Variants in RNF6 observed in about 807,000 individuals in gnomAD.
The protein encoded by RNF6 is ring finger protein 6.
In RNF6, 21 loss-of-function variants were observed where a neutral mutation model predicts 50.1. That is an observed-to-expected ratio of 0.42 (90% CI 0.30 to 0.60). RNF6 has a LOEUF of 0.60. Ranked by LOEUF, RNF6 falls within the 20% of genes least tolerant of loss-of-function variation. The pLI is 0.20. For synonymous variants in RNF6, 255 were observed against 291.8 expected (o/e 0.87, Z 1.29); for missense variants, 698 against 838.2 (o/e 0.83, Z 2.07).
At chr13:26,199,044 A>C (rs1304964696) in intron 5 of RNF6, among the ~76,000 whole-genome samples, 3 of 151,868 alleles carry the variant, frequency 2.0e-5, no homozygotes, top group Non-Finnish European at 4.4e-5. Flanking sequence ...TTAAGATATC[A>C]GTTCACCAAA....
At chr13:26,171,804 T>G (rs1872707313) in intron 5 of RNF6, among the ~76,000 whole-genome samples, 1 of 152,114 alleles carries the variant, frequency 6.6e-6, no homozygotes, top group African/African-American at 2.4e-5. Flanking sequence ...AAAGGTGAAA[T>G]TTTATATGTT....
At chr13:26,153,160 G>GA (rs71080233) in intron 5 of RNF6, among the ~76,000 whole-genome samples, 103,135 of 145,982 alleles carry the variant, frequency 0.71, 36,660 homozygotes, top group South Asian at 0.78. Context: ...CTCAAGAAAA[G>GA]AAAAAAAAAA....
At chr13:26,205,290 AG>A (rs34015717) in intron 5 of RNF6, among the ~76,000 whole-genome samples, 30,034 of 152,174 alleles carry the variant, frequency 0.2, 3,444 homozygotes, top group East Asian at 0.4. Context: ...AAAAAATACA[AG>A]ACTATTTTGC....
chr13:26,132,408 A>C (rs1870436929), exon 6 of RNF6: 1 of 459,308 alleles, frequency 2.2e-6, no homozygotes, highest in Non-Finnish European at 4.4e-6. Context: ...GATAGACTTA[A>C]CAACTGGTTT....
At chr13:26,218,689 A>G (rs1870155164) in intron 3 of RNF6, 83 bp from the exon 4 acceptor site, 2 of 1,006,122 alleles carry the variant, frequency 2.0e-6, no homozygotes, top group Admixed American at 3.7e-5. Flanking sequence ...AATCTTTAGT[A>G]ACCTATAGAA....
At chr13:26,208,915 TAA>T (rs1299911865), downstream of RNF6, among the ~76,000 whole-genome samples, 3 of 152,210 alleles carry the variant, frequency 2.0e-5, no homozygotes, top group African/African-American at 4.8e-5. Context: ...TCTATGTGGC[TAA>T]GAGTTAGAGT....
chr13:26,196,477 C>T lies in RNF6; in HGVS notation n.768+18997G>A, dbSNP rs565448729. 2.6e-5 allele frequency among the ~76,000 whole-genome samples: 4 copies of T among 151,992 alleles called. No homozygotes were observed. In the South Asian group the frequency reaches 6.2e-4, roughly 24 times the overall value. The stretch of plus-strand genomic sequence containing the variant: ...ACCAGCCTGGCCAACATGGTGAAAC[C>T]GAGTCTCTACTAAAAATACAAAAAA... On this transcript the variant is annotated intron_variant and non_coding_transcript_variant, in intron 5 of 5. Transcript: ENST00000468480.
chr13:26,187,335 G>A (rs993231476), intron 5 of RNF6, among the ~76,000 whole-genome samples: 6 of 152,340 alleles, frequency 3.9e-5, no homozygotes, highest in Admixed American at 2.0e-4. Flanking sequence ...GGTCAGGCAA[G>A]GCTGATGGCC....
chr13:26,186,384 C>T (rs1374538539), intron 5 of RNF6, among the ~76,000 whole-genome samples: 1 of 152,256 alleles, frequency 6.6e-6, no homozygotes, highest in Non-Finnish European at 1.5e-5. Flanking sequence ...AAGGCTGTCC[C>T]GCGGCAGGAA....
intron 5 of RNF6, among the ~76,000 whole-genome samples, chr13:26,187,012 C>T (rs1420866443): frequency 4.6e-5 from 7 of 152,080 alleles, no homozygotes; most frequent in African/African-American, 1.4e-4. Context: ...CTCCTGACTT[C>T]GTGATCCACC....
At chr13:26,158,419 T>C (rs1311056184) in intron 5 of RNF6, among the ~76,000 whole-genome samples, 1 of 152,190 alleles carries the variant, frequency 6.6e-6, no homozygotes, top group Non-Finnish European at 1.5e-5. Context: ...TTCCAGGAAT[T>C]TACCATAACA....
intron 5 of RNF6, among the ~76,000 whole-genome samples, chr13:26,171,659 C>A (rs1410983487): frequency 6.6e-6 from 1 of 152,138 alleles, no homozygotes; most frequent in Non-Finnish European, 1.5e-5. Flanking sequence ...TGTCCATCAG[C>A]AGATGAATGG....
chr13:26,185,447 TA>T (rs544846393), intron 5 of RNF6, among the ~76,000 whole-genome samples: 3 of 152,084 alleles, frequency 2.0e-5, no homozygotes, highest in East Asian at 1.9e-4. Flanking sequence ...GCATTTTTTT[TA>T]AAAAAAGTTG....
At chr13:26,147,231 A>G (rs9512124) in intron 5 of RNF6, among the ~76,000 whole-genome samples, 131,890 of 152,230 alleles carry the variant, frequency 0.87, 57,908 homozygotes, top group East Asian at 0.98. Context: ...GAAGTGTAGT[A>G]CATGCCCTCA....
At chr13:26,184,195 C>T (rs1479080496) in intron 5 of RNF6, among the ~76,000 whole-genome samples, 1 of 151,264 alleles carries the variant, frequency 6.6e-6, no homozygotes, top group African/African-American at 2.4e-5. Flanking sequence ...CCACGCCAGG[C>T]TAATGTTTTG....
chr13:26,204,006 T>C (rs1868996656), intron 5 of RNF6, among the ~76,000 whole-genome samples: 1 of 152,056 alleles, frequency 6.6e-6, no homozygotes, highest in Non-Finnish European at 1.5e-5. Context: ...CTTTTCCTGC[T>C]CCAGCCTCCT....
chr13:26,167,614 A>C (rs1455555561), intron 5 of RNF6, among the ~76,000 whole-genome samples: 1 of 152,260 alleles, frequency 6.6e-6, no homozygotes, highest in African/African-American at 2.4e-5. Context: ...AGTATAAATT[A>C]GTTCAACCAT....
chr13:26,140,740 A>G (rs1870895162), intron 5 of RNF6, among the ~76,000 whole-genome samples: 1 of 152,182 alleles, frequency 6.6e-6, no homozygotes. Flanking sequence ...AACCCTAAAG[A>G]CTAACAAAAA....
At chr13:26,152,390 C>T (rs1486426595) in intron 5 of RNF6, among the ~76,000 whole-genome samples, 2 of 152,194 alleles carry the variant, frequency 1.3e-5, no homozygotes, top group African/African-American at 4.8e-5. Context: ...GTTTCTCCTT[C>T]TGTAATGCTT....
Sources: allele counts gnomAD v4.1 joint callset (sites outside exome capture counted in the v4.1 genomes callset), GRCh38; gene constraint gnomAD v4.1.1; transcripts MANE v1.5; gene names NCBI Gene and HGNC (gene_info 2026-07-23, HGNC 2026-07-21).